ARPC5L: variants seen among roughly 807,000 people sequenced by gnomAD.
The protein encoded by ARPC5L is actin related protein 2/3 complex subunit 5 like, also known as actin-related protein 2/3 complex subunit 5-like protein.
In ARPC5L, 4 loss-of-function variants were observed where a neutral mutation model predicts 16.9. The observed-to-expected ratio is 0.24, with a 90% CI of 0.12 to 0.54. The LOEUF (loss-of-function observed/expected upper bound fraction) is 0.54. ARPC5L is among the 20% of genes least tolerant of loss of function. The probability of loss-of-function intolerance (pLI) is 0.95; values close to 1 mark genes in which losing one functional copy is unlikely to be tolerated. For missense variants in ARPC5L, 151 were observed against 201.9 expected (o/e 0.75, Z 1.53); for synonymous variants, 78 against 82.6 (o/e 0.94, Z 0.30).
intron 4 of ARPC5L, 135 bp downstream of exon 4, chr9:124,873,899 C>T (rs1829397177): frequency 2.1e-6 from 2 of 961,418 alleles, no homozygotes; most frequent in Non-Finnish European, 3.2e-6. Flanking sequence ...AGGGAAGCCT[C>T]CTGGCGCTCC....
In ARPC5L at chr9:124,877,143, C is replaced by T; in HGVS notation, c.*203C>T. 1 of 570,004 alleles carries T rather than the reference C, an allele frequency of 1.8e-6. No individual in the cohort carries two copies. Among genetic ancestry groups the T allele is most frequent in the South Asian group, 2.1e-5 (1 of 47,492 alleles). 35.3% of individuals were successfully genotyped at this position (570,004 alleles called of 1,614,324 possible). On this transcript the variant is annotated 3_prime_UTR_variant, in exon 6 of 6. Transcript: ENST00000353214. ...CCTGTTTAGGATCTGATAGTCTATG[C>T]CTTTGTCTCCGAGTACTGCAGAACT...
At chr9:124,865,350 G>A (rs1046579913) in intron 2 of ARPC5L, among the ~76,000 whole-genome samples, 3 of 150,128 alleles carry the variant, frequency 2.0e-5, no homozygotes, top group Admixed American at 1.3e-4. Context: ...AAGTCTAATG[G>A]TGCACAGTGC....
At chr9:124,869,562 G>T in intron 3 of ARPC5L, 123 bp downstream of exon 3, 1 of 1,367,670 alleles carries the variant, frequency 7.3e-7, no homozygotes, top group Non-Finnish European at 9.4e-7. Context: ...CCTCAGGTCA[G>T]CCTCCAGCTC....
At chr9:124,873,612 T>G (rs1374386209) in intron 3 of ARPC5L, 80 bp from the exon 4 acceptor site, 16 of 1,510,296 alleles carry the variant, frequency 1.1e-5, no homozygotes, top group East Asian at 4.5e-5. Context: ...ACTCTGTTCC[T>G]GAGCTGTTTC....
intron 3 of ARPC5L, among the ~76,000 whole-genome samples, chr9:124,870,287 A>T (rs1322276552): frequency 1.3e-5 from 2 of 152,242 alleles, no homozygotes; most frequent in Non-Finnish European, 2.9e-5. Context: ...AAGATTAAAA[A>T]TAGAGGTGAT....
chr9:124,876,765 G>A (rs886153103), intron 5 of ARPC5L, 113 bp from the exon 6 acceptor site: 17 of 827,452 alleles, frequency 2.1e-5, no homozygotes, highest in Middle Eastern at 3.0e-4. Context: ...ATCCTCTTTC[G>A]AGGATCTGTG....
chr9:124,863,272 G>A (rs142001490), intron 1 of ARPC5L, among the ~76,000 whole-genome samples: 87 of 152,056 alleles, frequency 5.7e-4, no homozygotes, highest in African/African-American at 2.0e-3. Context: ...CTCCTGCCTT[G>A]GCCTCCCCAG....
Position 124,869,181 on chromosome 9 carries a change from G to A in ARPC5L, c.-110G>A, listed in dbSNP as rs1829315836. 3 of 1,235,860 alleles carry A rather than the reference G, an allele frequency of 2.4e-6. No individual in the cohort carries two copies. The highest frequency in any genetic ancestry group is 4.2e-5 in the Admixed American group (1 of 23,594). The allele number at this position is 1,235,860 out of a possible 1,614,324, so 76.6% of individuals were successfully genotyped here. ...CGCGGAGGCGGTGGAGGAGGTGCTG[G>A]GAGCAGCCGGGCAGCCGCTTCCCGC... On this transcript the variant is annotated 5_prime_UTR_variant, in exon 3 of 6. Transcript: ENST00000353214.
chr9:124,864,031 G>T lies in ARPC5L; in HGVS notation c.-940G>T, dbSNP rs1389342601. On this transcript the variant is annotated 5_prime_UTR_variant, in exon 2 of 6. Transcript: ENST00000353214. ...GGGGACAGAACCTTGGCGGACAACT[G>T]AATTAATTGTTCTAGTCTCCAGGCC... 6.6e-6 allele frequency: 1 copy of T among 152,234 alleles called. No individual in the cohort carries two copies. The highest frequency in any genetic ancestry group is 2.4e-5 in the African/African-American group (1 of 41,454). The allele number at this position is 152,234 out of a possible 1,614,324, so 9.4% of individuals were successfully genotyped here.
chr9:124,872,273 T>G (rs1362496308), intron 3 of ARPC5L, among the ~76,000 whole-genome samples: 1 of 152,100 alleles, frequency 6.6e-6, no homozygotes, highest in Admixed American at 6.6e-5. Context: ...GGGATCCTGC[T>G]TATTGCTTTG....
chr9:124,875,254 C>T (rs971602628), intron 5 of ARPC5L, 103 bp downstream of exon 5: 56 of 1,325,974 alleles, frequency 4.2e-5, no homozygotes, highest in Middle Eastern at 2.7e-4. Context: ...GTCTGATAGG[C>T]GTGTGGGGTC....
intron 3 of ARPC5L, among the ~76,000 whole-genome samples, chr9:124,871,993 G>A (rs1829366821): frequency 6.6e-6 from 1 of 152,140 alleles, no homozygotes; most frequent in Non-Finnish European, 1.5e-5. Context: ...AGCCAGCCAA[G>A]TATGACAGCC....
intron 4 of ARPC5L, 110 bp downstream of exon 4, chr9:124,873,874 C>A (rs1468368180): frequency 6.8e-6 from 9 of 1,328,508 alleles, no homozygotes; most frequent in Non-Finnish European, 9.6e-6. Context: ...TGAGTTGGCA[C>A]TGGGCGGGGC....
At chr9:124,872,240 C>G (rs1305240216) in intron 3 of ARPC5L, among the ~76,000 whole-genome samples, 3 of 152,116 alleles carry the variant, frequency 2.0e-5, no homozygotes, top group African/African-American at 7.2e-5. Flanking sequence ...AGCAAGTGAG[C>G]CTATGTTTTC....
intron 5 of ARPC5L, 75 bp from the exon 6 acceptor site, chr9:124,876,803 C>G (rs1461005191): frequency 4.1e-6 from 5 of 1,226,248 alleles, no homozygotes; most frequent in African/African-American, 1.5e-5. Context: ...GAATGTCCCC[C>G]CTGTCTCTGG....
chr9:124,872,341 T>C (rs1482514587), intron 3 of ARPC5L, among the ~76,000 whole-genome samples: 1 of 152,068 alleles, frequency 6.6e-6, no homozygotes, highest in Admixed American at 6.6e-5. Flanking sequence ...ACACCTGTAA[T>C]CCCAGCACTT....
At chr9:124,875,281 C>T in intron 5 of ARPC5L, 130 bp downstream of exon 5, 5 of 1,032,602 alleles carry the variant, frequency 4.8e-6, no homozygotes, top group Non-Finnish European at 6.9e-6. Flanking sequence ...CGAGCCCCAA[C>T]CTGGGACATG....
rs76458638 is a variant in ARPC5L at position 124,863,677 on chromosome 9, A to C, written c.-983-311A>C. 8.7e-3 allele frequency among the ~76,000 whole-genome samples: 1,318 copies of C among 152,362 alleles called. 51 individuals carry two copies. The highest frequency in any genetic ancestry group is 0.066 in the Admixed American group (1,011 of 15,292). On this transcript the variant is annotated intron_variant, in intron 1 of 5. Coordinates refer to ENST00000353214, the MANE Select transcript of ARPC5L (RefSeq NM_030978.3). ...CATTGGTGTTCATGTTCCCAGAGGA[A>C]GGAACACTTCAGTAGAGCCCGGAAA...
intron 2 of ARPC5L, among the ~76,000 whole-genome samples, chr9:124,867,426 C>T (rs756708490): frequency 1.3e-5 from 2 of 152,140 alleles, no homozygotes; most frequent in Non-Finnish European, 2.9e-5. Flanking sequence ...AGGTGTGAGC[C>T]ACTGCGCCCG....
Sources: allele counts gnomAD v4.1 joint callset (sites outside exome capture counted in the v4.1 genomes callset), GRCh38; gene constraint gnomAD v4.1.1; transcripts MANE v1.5; gene names NCBI Gene and HGNC (gene_info 2026-07-23, HGNC 2026-07-21).